Variants in NKAIN3 observed in about 807,000 individuals in gnomAD.
The protein encoded by NKAIN3 is sodium/potassium-transporting ATPase subunit beta-1-interacting protein 3.
In NKAIN3, 25 loss-of-function variants were observed where a neutral mutation model predicts 30.2. The ratio of observed to expected loss-of-function variants is 0.83; its 90% CI spans 0.60 to 1.16. The LOEUF is 1.16. Among genes scored for constraint, NKAIN3 ranks in the 50% most tolerant of loss-of-function variants. The pLI, the probability that NKAIN3 is intolerant of heterozygous loss-of-function variation, is 0.00. For synonymous variants in NKAIN3, 91 were observed against 89.6 expected (o/e 1.02, Z -0.09); for missense variants, 225 against 254.1 (o/e 0.89, Z 0.78).
intron 3 of NKAIN3, among the ~76,000 whole-genome samples, chr8:62,746,236 G>A (rs1816065289): frequency 6.6e-6 from 1 of 152,284 alleles, no homozygotes; most frequent in African/African-American, 2.4e-5. Flanking sequence ...TGGTCACATT[G>A]CCTTTGCCTC....
chr8:62,543,511 G>A (rs921766992), intron 1 of NKAIN3, among the ~76,000 whole-genome samples: 8 of 152,246 alleles, frequency 5.3e-5, no homozygotes, highest in South Asian at 2.1e-4. Context: ...CATAGAAGAC[G>A]CTATAAATCA....
At chr8:62,960,735 G>A (rs201453222) in intron 6 of NKAIN3, among the ~76,000 whole-genome samples, 2 of 148,434 alleles carry the variant, frequency 1.3e-5, no homozygotes, top group African/African-American at 5.0e-5. Flanking sequence ...CAGGAAAAAA[G>A]CACACACACA....
chr8:62,897,822 T>A (rs1246837294), intron 4 of NKAIN3, among the ~76,000 whole-genome samples: 1 of 152,100 alleles, frequency 6.6e-6, no homozygotes, highest in Non-Finnish European at 1.5e-5. Context: ...GGTTTCATTC[T>A]CCCTCCATGC....
chr8:62,314,011 A>G (rs551325874), intron 1 of NKAIN3, among the ~76,000 whole-genome samples: 1 of 152,132 alleles, frequency 6.6e-6, no homozygotes, highest in Non-Finnish European at 1.5e-5. Flanking sequence ...CATTTTTATC[A>G]TTATTTCTCC....
rs185462166 is a variant in NKAIN3 at position 62,333,263 on chromosome 8, G to A, written c.54+84136G>A. The stretch of plus-strand genomic sequence containing the variant: ...TTTGTGGTTCATTTCACCTTTTTAT[G>A]ACTCCAGAAGTTAAATGATTCTTGG... On this transcript the variant is annotated intron_variant, in intron 1 of 6. Transcript: ENST00000623646. Among the ~76,000 whole-genome samples the A allele has an allele frequency of 1.9e-3, 296 of 152,076 alleles. 2 individuals carry two copies. Among genetic ancestry groups the A allele is most frequent in the Admixed American group, 6.1e-3 (93 of 15,262 alleles).
intron 1 of NKAIN3, among the ~76,000 whole-genome samples, chr8:62,362,980 G>C (rs1158338116): frequency 6.6e-6 from 1 of 152,106 alleles, no homozygotes; most frequent in Non-Finnish European, 1.5e-5. Context: ...TAATGTTACA[G>C]GCGTACACTC....
At chr8:62,544,553 T>G (rs913445252) in intron 1 of NKAIN3, among the ~76,000 whole-genome samples, 9 of 151,900 alleles carry the variant, frequency 5.9e-5, no homozygotes, top group African/African-American at 2.2e-4. Flanking sequence ...AAGTAGTAAA[T>G]GCTTATTTTA....
In NKAIN3 at chr8:62,295,633, C is replaced by T. The variant is rs188361813; in HGVS notation, c.54+46506C>T. On this transcript the variant is annotated intron_variant, in intron 1 of 6. Coordinates refer to ENST00000623646, the MANE Select transcript of NKAIN3 (RefSeq NM_001304533.3). Reference sequence around the variant, plus strand: ...GCTTTTTTGGGGGAATTCTCCAATTCTTGCATATAAAATAAGATCACTTTA... The same window carrying T: ...GCTTTTTTGGGGGAATTCTCCAATTTTTGCATATAAAATAAGATCACTTTA... Among the ~76,000 whole-genome samples, 231 of 152,174 alleles carry T rather than the reference C, an allele frequency of 1.5e-3. 1 individual carries two copies. The highest frequency in any genetic ancestry group is 5.0e-3 in the African/African-American group (209 of 41,552).
intron 5 of NKAIN3, among the ~76,000 whole-genome samples, chr8:62,921,365 T>G (rs1158306330): frequency 3.3e-5 from 5 of 152,190 alleles, no homozygotes; most frequent in Non-Finnish European, 7.4e-5. Context: ...GCCTTGTTCT[T>G]GGGCTGAAAA....
chr8:62,826,733 T>C (rs1819037265), intron 4 of NKAIN3, among the ~76,000 whole-genome samples: 1 of 152,216 alleles, frequency 6.6e-6, no homozygotes, highest in Non-Finnish European at 1.5e-5. Flanking sequence ...ACTAAGCTTT[T>C]GGAAATGCTA....
chr8:62,321,404 C>T (rs1814898904), intron 1 of NKAIN3, among the ~76,000 whole-genome samples: 1 of 152,186 alleles, frequency 6.6e-6, no homozygotes, highest in African/African-American at 2.4e-5. Flanking sequence ...AGGAAAGGTG[C>T]TCTGATTTTT....
At chr8:62,764,214 T>TA (rs1816764661) in intron 4 of NKAIN3, among the ~76,000 whole-genome samples, 1 of 152,254 alleles carries the variant, frequency 6.6e-6, no homozygotes, top group African/African-American at 2.4e-5. Flanking sequence ...AGCTACCCTG[T>TA]ACTGAACATA....
At chr8:62,383,249 T>A (rs188678921) in intron 1 of NKAIN3, among the ~76,000 whole-genome samples, 12 of 152,170 alleles carry the variant, frequency 7.9e-5, no homozygotes, top group Non-Finnish European at 1.5e-4. Context: ...AGAAAAATGA[T>A]TCTCATTGTT....
chr8:62,516,884 G>T (rs954473267), intron 1 of NKAIN3, among the ~76,000 whole-genome samples: 1 of 151,956 alleles, frequency 6.6e-6, no homozygotes, highest in Admixed American at 6.6e-5. Context: ...GTACCCAAAT[G>T]TGCATTTGAT....
intron 1 of NKAIN3, among the ~76,000 whole-genome samples, chr8:62,278,506 C>T (rs1813044088): frequency 6.6e-6 from 1 of 151,946 alleles, no homozygotes; most frequent in Non-Finnish European, 1.5e-5. Context: ...TTAGGTATAT[C>T]TCCTAATGCT....
chr8:62,893,159 C>T (rs1821340561), intron 4 of NKAIN3, among the ~76,000 whole-genome samples: 1 of 152,132 alleles, frequency 6.6e-6, no homozygotes, highest in Non-Finnish European at 1.5e-5. Context: ...AGGTTGAGCT[C>T]AGGGCAACTT....
intron 1 of NKAIN3, among the ~76,000 whole-genome samples, chr8:62,504,610 T>G (rs756122889): frequency 3.9e-4 from 60 of 152,166 alleles, no homozygotes; most frequent in Non-Finnish European, 1.0e-4. Flanking sequence ...ATCAAATTGA[T>G]TTCTCTGTTT....
chr8:62,958,834 C>T (rs1237244977), intron 6 of NKAIN3, among the ~76,000 whole-genome samples: 3 of 152,078 alleles, frequency 2.0e-5, no homozygotes, highest in African/African-American at 4.8e-5. Context: ...ATAATTAGAG[C>T]AAGGCAGTTT....
At chr8:62,510,915 T>A (rs1369599027) in intron 1 of NKAIN3, among the ~76,000 whole-genome samples, 2 of 152,132 alleles carry the variant, frequency 1.3e-5, no homozygotes, top group Non-Finnish European at 1.5e-5. Flanking sequence ...CTGCTCCTTT[T>A]CAAGGTCGTT....
Sources: allele counts gnomAD v4.1 joint callset (sites outside exome capture counted in the v4.1 genomes callset), GRCh38; gene constraint gnomAD v4.1.1; transcripts MANE v1.5; gene names NCBI Gene and HGNC (gene_info 2026-07-23, HGNC 2026-07-21).